ARHGEF17: variants seen among roughly 807,000 people sequenced by gnomAD.
ARHGEF17 encodes Rho guanine nucleotide exchange factor 17.
Under a neutral mutation model 174.0 loss-of-function variants are expected in ARHGEF17, and 80 were observed. The ratio of observed to expected loss-of-function variants is 0.46; its 90% CI spans 0.38 to 0.55. The LOEUF (loss-of-function observed/expected upper bound fraction) is 0.55, where lower values mean the gene tolerates loss of function less well. ARHGEF17 is among the 20% of genes least tolerant of loss of function. The pLI is 0.00. For synonymous variants in ARHGEF17, 1,311 were observed against 1,189.1 expected (o/e 1.10, Z -2.11); for missense variants, 2,886 against 2,839.7 (o/e 1.02, Z -0.37).
intron 1 of ARHGEF17, among the ~76,000 whole-genome samples, chr11:73,322,744 GGCTCCCCTCTGCCA>G (rs1311313496): frequency 1.3e-5 from 2 of 152,104 alleles, no homozygotes; most frequent in South Asian, 2.1e-4. Flanking sequence ...TGAGCAGAGG[GGCTCCCCTCTGCCA>G]GCTCCCCTCT....
chr11:73,312,261 A>G (rs1243342142), intron 1 of ARHGEF17, among the ~76,000 whole-genome samples: 2 of 152,180 alleles, frequency 1.3e-5, no homozygotes, highest in Non-Finnish European at 2.9e-5. Context: ...TGTTTGGCTC[A>G]GGGGCCACAG....
chr11:73,352,873 G>T lies in ARHGEF17; in HGVS notation c.3314G>T (p.Cys1105Phe). ...AAGCAGCCAGAGAACTCCGTGCTCT[G>T]TGACCCTTCACTGGTGGACGAGATC... ...PLKQPENSVL[C>F]DPSLVDEIFD... Residue 1105 changes from cysteine to phenylalanine, a missense_variant, in exon 3 of 21, where the codon TGT becomes TTT. Cys to Phe is a radical substitution (Grantham distance 205). Coordinates refer to ENST00000263674, the MANE Select transcript of ARHGEF17 (RefSeq NM_014786.4). 6.2e-7 allele frequency: 1 copy of T among 1,614,112 alleles called. No homozygotes were observed. The highest frequency in any genetic ancestry group is 1.1e-5 in the South Asian group (1 of 91,084).
chr11:73,309,944 G>A lies in ARHGEF17; in HGVS notation c.1306G>A (p.Ala436Thr). 6.2e-7 allele frequency: 1 copy of A among 1,613,752 alleles called. No homozygotes were observed. Among genetic ancestry groups the A allele is most frequent in the African/African-American group, 1.3e-5 (1 of 75,030 alleles). ...GLLRSQARTR[A>T]KGPGGTSRAL... ...CCTGCGGTCCCAGGCTCGAACCCGT[G>A]CCAAAGGACCTGGAGGCACCTCTAG... Residue 436 changes from alanine to threonine, a missense_variant, in exon 1 of 21, where the codon GCC becomes ACC. Ala to Thr is a moderately conservative substitution (Grantham distance 58, BLOSUM62 0). This residue lies in a region of ARHGEF17 where 1,728 missense variants were observed against 1,461.2 expected (regional missense o/e 1.18). Coordinates refer to ENST00000263674, the MANE Select transcript of ARHGEF17 (RefSeq NM_014786.4).
rs965181260 is a variant in ARHGEF17 at position 73,333,371 on chromosome 11, C to T, written c.3193-13512C>T. On this transcript the variant is annotated intron_variant, in intron 1 of 20. Transcript: ENST00000263674. ...CACTGCGCACACTTGTGCACATGCA[C>T]GCGCGCGCGCACTCACACGTAACTA... Among the ~76,000 whole-genome samples the T allele has an allele frequency of 2.6e-5, 4 of 152,248 alleles. No individual in the cohort carries two copies. In the South Asian group the frequency reaches 6.2e-4, roughly 24 times the overall value.
intron 9 of ARHGEF17, among the ~76,000 whole-genome samples, chr11:73,359,297 C>T (rs1402342966): frequency 2.0e-5 from 3 of 152,224 alleles, no homozygotes; most frequent in African/African-American, 7.2e-5. Context: ...GACCACTGGT[C>T]CAGAATGTGC....
At position 73,361,231 on chromosome 11, in the gene ARHGEF17, C is replaced by A. The variant is rs564901116; in HGVS notation, c.4494+70C>A. The A allele has an allele frequency of 4.2e-6, 6 of 1,438,720 alleles. No homozygotes were observed. The African/African-American group carries it at 8.4e-5, about 20-fold the overall frequency. The allele number at this position is 1,438,720 out of a possible 1,614,324, so 89.1% of individuals were successfully genotyped here. A position where few individuals can be genotyped will look rare whatever the true frequency, so the allele number is the denominator to read the frequency against. ...GCAGGTGTTCATGAATTTTTGTGTA[C>A]GACATTGTGTATATGCCGTGAACAT... On this transcript the variant is annotated intron_variant, in intron 12 of 20. Transcript: ENST00000263674.
At chr11:73,343,051 G>A (rs867651241) in intron 1 of ARHGEF17, 25 of 292,236 alleles carry the variant, frequency 8.6e-5, no homozygotes, top group African/African-American at 5.6e-4. Context: ...CTTAGGGAGC[G>A]AGAGTGGGAG....
At chr11:73,366,489 G>A (rs1865841230) in intron 20 of ARHGEF17, among the ~76,000 whole-genome samples, 2 of 152,232 alleles carry the variant, frequency 1.3e-5, no homozygotes, top group Admixed American at 6.5e-5. Context: ...AGCAGTTTGG[G>A]AGGATGAGGT....
rs1213688861 is a variant in ARHGEF17 at position 73,362,187 on chromosome 11, G to A, written c.4642G>A (p.Ala1548Thr). The change falls in exon 13 of 21, where the codon GCC becomes ACC. Residue 1548 changes from alanine (A) to threonine (T), a missense_variant. By Grantham distance (58) the Ala-to-Thr change is moderately conservative. Transcript: ENST00000263674. ...GGAGGCCTGCATCGCCGTCTGTTCC[G>A]CCCGCATCCTCTGCATCGGGGCGGT... ...DVEACIAVCS[A>T]RILCIGAVPG... 5.1e-6 allele frequency: 8 copies of A among 1,581,694 alleles called. No individual in the cohort carries two copies. Among genetic ancestry groups the A allele is most frequent in the Non-Finnish European group, 6.0e-6 (7 of 1,167,718 alleles).
rs1319101920 is a variant in ARHGEF17, at chr11:73,316,691, G to A, written c.3192+4861G>A. Among the ~76,000 whole-genome samples, 3 of 152,222 alleles carry A rather than the reference G, an allele frequency of 2.0e-5. No individual in the cohort carries two copies. The East Asian group carries it at 5.8e-4, about 29-fold the overall frequency. ...GCAGAGAAGTAGAAGATCAGAGGTG[G>A]GTTAGGGTGAGGAAGATCATGTAGG... On this transcript the variant is annotated intron_variant, in intron 1 of 20. Transcript: ENST00000263674.
rs1296144349 is a variant in ARHGEF17 at position 73,362,625 on chromosome 11, C to A, written c.4887C>A (p.Arg1629=). The change falls in exon 14 of 21, where the codon CGC becomes CGA. Residue 1629 remains arginine, a synonymous_variant. Transcript: ENST00000263674. ...MTPGLGEGDP[R]PELVPFDSDS... ...CGGGCCTCGGCGAGGGTGACCCCCG[C>A]CCAGAGCTGGTGCCCTTTGACAGTG... 1.2e-6 allele frequency: 2 copies of A among 1,611,490 alleles called. No individual in the cohort carries two copies.
At chr11:73,324,601 A>G (rs1434662124) in intron 1 of ARHGEF17, among the ~76,000 whole-genome samples, 1 of 152,206 alleles carries the variant, frequency 6.6e-6, no homozygotes, top group Non-Finnish European at 1.5e-5. Context: ...GAGCCCAGAA[A>G]GAGAGAGGTG....
chr11:73,320,473 A>G (rs1219682730), intron 1 of ARHGEF17, among the ~76,000 whole-genome samples: 4 of 106,204 alleles, frequency 3.8e-5, no homozygotes, highest in Non-Finnish European at 5.9e-5. Context: ...TGTCTCCACT[A>G]AAAAAAAAAA....
chr11:73,329,322 C>CGTGTATAT (rs1314272506), intron 1 of ARHGEF17, among the ~76,000 whole-genome samples: 3 of 15,314 alleles, frequency 2.0e-4, no homozygotes, highest in African/African-American at 6.8e-4. Context: ...TGAGAGCTTT[C>CGTGTATAT]ATATATATAT....
chr11:73,354,958 G>A (rs532808842), intron 3 of ARHGEF17, among the ~76,000 whole-genome samples: 1 of 152,248 alleles, frequency 6.6e-6, no homozygotes, highest in Non-Finnish European at 1.5e-5. Context: ...TTCATGGAGA[G>A]GGAGAACTTG....
At chr11:73,341,907 C>G (rs1486224794) in intron 1 of ARHGEF17, among the ~76,000 whole-genome samples, 1 of 152,192 alleles carries the variant, frequency 6.6e-6, no homozygotes, top group African/African-American at 2.4e-5. Flanking sequence ...TTGGCCAGGG[C>G]TGAGGCACAG....
At chr11:73,362,398 G>T in intron 13 of ARHGEF17, 35 bp from the exon 14 acceptor site, 1 of 1,500,802 alleles carries the variant, frequency 6.7e-7, no homozygotes, top group Non-Finnish European at 8.8e-7. Flanking sequence ...CGTCTGGCTC[G>T]TAGCTGCTGT....
At chr11:73,314,712 G>A (rs1219334661) in intron 1 of ARHGEF17, among the ~76,000 whole-genome samples, 1 of 152,080 alleles carries the variant, frequency 6.6e-6, no homozygotes, top group Non-Finnish European at 1.5e-5. Context: ...CGGGAGGTGA[G>A]GAGGCAGAGC....
rs1040707205 is a variant in ARHGEF17, at chr11:73,324,939, C to T, written c.3192+13109C>T. ...ATGAGTGTTTCCTCCCTTTATGGGC[C>T]CAGGGACCCTTCTCTTGGTGCTGGA... is the stretch of plus-strand genomic sequence containing the variant. On this transcript the variant is annotated intron_variant, in intron 1 of 20. Coordinates refer to ENST00000263674, the MANE Select transcript of ARHGEF17 (RefSeq NM_014786.4). 5.3e-5 allele frequency among the ~76,000 whole-genome samples: 8 copies of T among 152,044 alleles called. 1 individual carries two copies. In the East Asian group the frequency reaches 1.3e-3, roughly 26 times the overall value.
Sources: gnomAD v4.1 joint callset for allele counts (sites outside exome capture counted in the v4.1 genomes callset) on GRCh38, gnomAD v4.1.1 for gene constraint, gnomAD v4.1.1 regional missense constraint, MANE v1.5 for transcripts, NCBI Gene and HGNC (gene_info 2026-07-23, HGNC 2026-07-21) for gene names.